NCAM2: variants seen among roughly 807,000 people sequenced by gnomAD.
The protein encoded by NCAM2 is neural cell adhesion molecule 2.
In NCAM2, 30 loss-of-function variants were observed where a neutral mutation model predicts 98.1. The ratio of observed to expected loss-of-function variants is 0.31; its 90% CI spans 0.23 to 0.41. The LOEUF is 0.41. NCAM2 is among the 10% of genes least tolerant of loss of function. The probability of loss-of-function intolerance (pLI) is 1.00; values close to 1 mark genes in which losing one functional copy is unlikely to be tolerated. For synonymous variants in NCAM2, 368 were observed against 342.4 expected (o/e 1.07, Z -0.83); for missense variants, 867 against 1,005.8 (o/e 0.86, Z 1.87).
At chr21:21,463,281 T>C (rs1776423735) in intron 12 of NCAM2, among the ~76,000 whole-genome samples, 1 of 152,090 alleles carries the variant, frequency 6.6e-6, no homozygotes. Context: ...TCCAAATCTT[T>C]TCCCTCTCTC....
chr21:21,300,308 A>G (rs2073664479), intron 5 of NCAM2, among the ~76,000 whole-genome samples: 1 of 152,034 alleles, frequency 6.6e-6, no homozygotes, highest in Non-Finnish European at 1.5e-5. Flanking sequence ...CAAATGAGGC[A>G]CCTCAAAGAG....
chr21:21,012,037 G>A (rs1218583366), intron 1 of NCAM2, among the ~76,000 whole-genome samples: 2 of 152,100 alleles, frequency 1.3e-5, no homozygotes, highest in East Asian at 3.9e-4. Flanking sequence ...ATAGAAATTA[G>A]TACAGACATT....
intron 5 of NCAM2, among the ~76,000 whole-genome samples, chr21:21,312,032 C>A (rs978111365): frequency 6.6e-6 from 1 of 152,116 alleles, no homozygotes; most frequent in Non-Finnish European, 1.5e-5. Context: ...GTTCTTTCAG[C>A]ATGAGGTTTA....
intron 1 of NCAM2, among the ~76,000 whole-genome samples, chr21:21,139,277 C>G (rs1452254266): frequency 6.6e-6 from 1 of 152,246 alleles, no homozygotes; most frequent in African/African-American, 2.4e-5. Context: ...AGAACAGATT[C>G]ACCCCTAAAG....
At chr21:21,464,865 C>T (rs1173446834) in intron 12 of NCAM2, among the ~76,000 whole-genome samples, 9 of 152,072 alleles carry the variant, frequency 5.9e-5, no homozygotes, top group Admixed American at 5.2e-4. Context: ...ATTACCCTGT[C>T]AGAAATCATT....
chr21:21,364,688 A>G (rs2075741758), intron 8 of NCAM2, among the ~76,000 whole-genome samples: 1 of 152,024 alleles, frequency 6.6e-6, no homozygotes, highest in African/African-American at 2.4e-5. Context: ...ATATGTATAT[A>G]TTGCCAGATA....
chr21:21,223,993 G>T (rs1348788890), intron 1 of NCAM2, among the ~76,000 whole-genome samples: 1 of 152,172 alleles, frequency 6.6e-6, no homozygotes, highest in Non-Finnish European at 1.5e-5. Context: ...TGCATGGCAA[G>T]GTGGGGAGTG....
chr21:21,530,284 T>A (rs1363038109), intron 16 of NCAM2, among the ~76,000 whole-genome samples: 1 of 132,450 alleles, frequency 7.6e-6, no homozygotes, highest in African/African-American at 2.8e-5. Context: ...ATAATTTAAT[T>A]TAATTATATA....
At chr21:21,371,799 A>T (rs1053241103) in intron 8 of NCAM2, among the ~76,000 whole-genome samples, 1 of 151,718 alleles carries the variant, frequency 6.6e-6, no homozygotes, top group Non-Finnish European at 1.5e-5. Flanking sequence ...CAAGGGTAGA[A>T]ACTATTACAG....
chr21:21,272,505 C>T lies in NCAM2; in HGVS notation c.56-8073C>T, dbSNP rs577229175. Among the ~76,000 whole-genome samples the T allele has an allele frequency of 2.6e-3, 147 of 56,584 alleles. 1 individual carries two copies. Among genetic ancestry groups the T allele is most frequent in the Admixed American group, 5.8e-3 (31 of 5,320 alleles). 37.1% of individuals were successfully genotyped at this position (56,584 alleles called of 152,430 possible). ...GCACACATACACACACATGCGCGCG[C>T]GCGCACACACACACACACACACACA... is the stretch of plus-strand genomic sequence containing the variant. On this transcript the variant is annotated intron_variant, in intron 1 of 17. Coordinates refer to ENST00000400546, the MANE Select transcript of NCAM2 (RefSeq NM_004540.5).
intron 1 of NCAM2, among the ~76,000 whole-genome samples, chr21:21,114,849 T>C (rs1246324703): frequency 6.6e-6 from 1 of 152,034 alleles, no homozygotes; most frequent in Non-Finnish European, 1.5e-5. Context: ...TTTTGAAGTT[T>C]CGCTCTTGTC....
intron 1 of NCAM2, among the ~76,000 whole-genome samples, chr21:21,195,640 T>C (rs2068977472): frequency 1.3e-5 from 2 of 152,190 alleles, no homozygotes; most frequent in South Asian, 4.1e-4. Context: ...CTGAAAGACA[T>C]TTTCTGTTTT....
chr21:21,190,066 G>C (rs2068768699), intron 1 of NCAM2, among the ~76,000 whole-genome samples: 2 of 152,164 alleles, frequency 1.3e-5, no homozygotes, highest in African/African-American at 4.8e-5. Context: ...ATGCATATGT[G>C]TTTACATTGA....
chr21:21,109,419 A>G (rs1250399864), intron 1 of NCAM2, among the ~76,000 whole-genome samples: 1 of 152,164 alleles, frequency 6.6e-6, no homozygotes, highest in African/African-American at 2.4e-5. Flanking sequence ...ATATATACAC[A>G]TACTATGTAC....
intron 1 of NCAM2, among the ~76,000 whole-genome samples, chr21:21,098,885 C>G (rs573106567): frequency 6.6e-6 from 1 of 151,684 alleles, no homozygotes; most frequent in East Asian, 1.9e-4. Flanking sequence ...CAAGCAATTG[C>G]CAAAGCCTGA....
intron 1 of NCAM2, among the ~76,000 whole-genome samples, chr21:21,105,080 A>G (rs890759355): frequency 6.6e-6 from 1 of 152,086 alleles, no homozygotes; most frequent in Non-Finnish European, 1.5e-5. Context: ...GCTTAGCTAA[A>G]TTTCTTCCAG....
intron 1 of NCAM2, among the ~76,000 whole-genome samples, chr21:21,126,900 C>G (rs2066837600): frequency 6.6e-6 from 1 of 151,844 alleles, no homozygotes; most frequent in South Asian, 2.1e-4. Context: ...AGTAGATAAA[C>G]TACACAGCAA....
chr21:21,332,138 T>G (rs1293983362), intron 6 of NCAM2, among the ~76,000 whole-genome samples: 1 of 151,796 alleles, frequency 6.6e-6, no homozygotes. Flanking sequence ...CTCCTGACCT[T>G]GTGATCTGCC....
At chr21:21,128,239 T>C in intron 1 of NCAM2, among the ~76,000 whole-genome samples, 1 of 28,932 alleles carries the variant, frequency 3.5e-5, no homozygotes, top group African/African-American at 9.6e-5. Context: ...ATGAGATTTG[T>C]GAGGGTTTTT....
Sources: gnomAD v4.1 joint callset for allele counts (sites outside exome capture counted in the v4.1 genomes callset) on GRCh38, gnomAD v4.1.1 for gene constraint, MANE v1.5 for transcripts, NCBI Gene and HGNC (gene_info 2026-07-23, HGNC 2026-07-21) for gene names.